The following LIMCH1 variants were observed in gnomAD, a reference collection of about 807,000 sequenced individuals.
The protein encoded by LIMCH1 is LIM and calponin homology domains 1, also known as LIM and calponin homology domains-containing protein 1.
LIMCH1 carries 113 observed loss-of-function variants against 176.5 expected under a neutral mutation model. That is an observed-to-expected ratio of 0.64 (90% CI 0.55 to 0.75). The LOEUF (loss-of-function observed/expected upper bound fraction) is 0.75. Among genes scored for constraint, LIMCH1 ranks in the 30% least tolerant of loss-of-function variants. LIMCH1 has a pLI of 0.00. For synonymous variants in LIMCH1, 619 were observed against 645.9 expected, an observed-to-expected ratio of 0.96 and a Z score of 0.63; for missense variants, 1,674 against 1,814.9, an observed-to-expected ratio of 0.92 and a Z score of 1.41.
chr4:41,694,555 C>T (rs567407445), intron 31 of LIMCH1, among the ~76,000 whole-genome samples: 1 of 152,250 alleles, frequency 6.6e-6, no homozygotes, highest in Admixed American at 6.5e-5. Flanking sequence ...GGTAACTTTT[C>T]CAGATAACAT....
chr4:41,490,272 CCTTT>C (rs1463140693), intron 1 of LIMCH1, among the ~76,000 whole-genome samples: 131 of 151,262 alleles, frequency 8.7e-4, no homozygotes, highest in African/African-American at 3.0e-3. Flanking sequence ...TTTCTTTCTC[CCTTT>C]CTTTTTTTTT....
At chr4:41,626,658 T>A in intron 7 of LIMCH1, 50 bp from the exon 8 acceptor site, 1 of 1,406,318 alleles carries the variant, frequency 7.1e-7, no homozygotes, top group Non-Finnish European at 9.6e-7. Flanking sequence ...GGAGATTTAA[T>A]TTTTTTTGTC....
At chr4:41,565,297 T>C (rs1165409542) in intron 1 of LIMCH1, among the ~76,000 whole-genome samples, 1 of 151,250 alleles carries the variant, frequency 6.6e-6, no homozygotes, top group East Asian at 1.9e-4. Context: ...GGGCTCTCTG[T>C]CATGGGTTGG....
intron 2 of LIMCH1, among the ~76,000 whole-genome samples, chr4:41,603,482 A>G (rs1048431512): frequency 2.0e-5 from 3 of 152,226 alleles, no homozygotes; most frequent in Admixed American, 1.3e-4. Flanking sequence ...ACCTGTGTTA[A>G]AAATACTTGC....
In LIMCH1 at chr4:41,615,713, A is replaced by G. The variant is rs536964014; in HGVS notation, c.205+2052A>G. On this transcript the variant is annotated intron_variant, in intron 5 of 31. Transcript: ENST00000503057. ...GATTAGGAAGATTGCTAGTCCTAATAAACACTTCCAAATTTGAAAAAACTT... is the reference window on the plus strand; with the variant it reads ...GATTAGGAAGATTGCTAGTCCTAATGAACACTTCCAAATTTGAAAAAACTT... Among the ~76,000 whole-genome samples the G allele has an allele frequency of 5.9e-5, 9 of 152,350 alleles. No homozygotes were observed. The South Asian group carries it at 8.3e-4, about 14-fold the overall frequency.
chr4:41,434,134 A>G (rs1463670382), intron 1 of LIMCH1, among the ~76,000 whole-genome samples: 2 of 152,216 alleles, frequency 1.3e-5, no homozygotes, highest in East Asian at 1.9e-4. Flanking sequence ...GTGTGATGGC[A>G]GAAGGAGCCA....
rs1161186660 is a variant in LIMCH1 at position 41,644,520 on chromosome 4, T to A, written c.2147T>A (p.Met716Lys). ...CTCAGGAGCACCAGCATGTTTGACA[T>A]GCGGTGTGAGGAGGAGGCCGCGGTG... ...DDAESTSMFD[M>K]RCEEEAAVQP... Residue 716 changes from methionine to lysine, a missense_variant, in exon 15 of 32, where the codon ATG (methionine) becomes AAG (lysine). Around this residue, in one of 3 missense-constraint regions of LIMCH1, gnomAD observed 1,015 missense variants for 1,102.5 expected, o/e 0.92. Coordinates refer to ENST00000503057, the MANE Select transcript of LIMCH1 (RefSeq NM_001330672.2). 19 of 1,582,092 alleles carry A rather than the reference T, an allele frequency of 1.2e-5. No homozygotes were observed. In the East Asian group the frequency reaches 4.4e-4, roughly 37 times the overall value.
chr4:41,541,018 G>T (rs577162317), intron 1 of LIMCH1, among the ~76,000 whole-genome samples: 13 of 152,296 alleles, frequency 8.5e-5, no homozygotes, highest in Non-Finnish European at 1.8e-4. Flanking sequence ...TGAGGAGTGA[G>T]GAAGTAGGGA....
chr4:41,484,820 G>A (rs1401601230), intron 1 of LIMCH1, among the ~76,000 whole-genome samples: 1 of 152,082 alleles, frequency 6.6e-6, no homozygotes, highest in South Asian at 2.1e-4. Flanking sequence ...TTATAATAGG[G>A]TTTGTCAACA....
At position 41,468,438 on chromosome 4, in the gene LIMCH1, T is replaced by G. The variant is rs987458877; in HGVS notation, c.97-26098T>G. On this transcript the variant is annotated intron_variant, in intron 1 of 26. Transcript: ENST00000313860. Reference sequence around the variant, plus strand: ...CCTTCTTTCCTTCTTTCCTTCCTTCTATCTTCCTTTGGTAAATTCATTTAG... The same window carrying G: ...CCTTCTTTCCTTCTTTCCTTCCTTCGATCTTCCTTTGGTAAATTCATTTAG... Among the ~76,000 whole-genome samples, 12 of 144,540 alleles carry G rather than the reference T, an allele frequency of 8.3e-5. No homozygotes were observed. The East Asian group carries it at 2.3e-3, about 28-fold the overall frequency. The allele number at this position is 144,540 out of a possible 152,430, so 94.8% of individuals were successfully genotyped here. A position where few individuals can be genotyped will look rare whatever the true frequency, so the allele number is the denominator to read the frequency against.
intron 1 of LIMCH1, among the ~76,000 whole-genome samples, chr4:41,361,757 G>T (rs1013261688): frequency 3.3e-5 from 5 of 152,204 alleles, no homozygotes; most frequent in Admixed American, 1.3e-4. Context: ...ATGCAGCTTG[G>T]TAGCCCCGAG....
chr4:41,584,713 CA>C (rs1296272194), intron 1 of LIMCH1, among the ~76,000 whole-genome samples: 13 of 152,114 alleles, frequency 8.5e-5, no homozygotes, highest in Non-Finnish European at 1.6e-4. Flanking sequence ...TTATACCTAA[CA>C]AAATTGACCA....
rs747573731 is a variant in LIMCH1, at chr4:41,619,275, A to G, written c.293A>G (p.His98Arg). 2 of 1,614,098 alleles carry G rather than the reference A, an allele frequency of 1.2e-6. No homozygotes were observed. Among genetic ancestry groups the G allele is most frequent in the Non-Finnish European group, 8.5e-7 (1 of 1,180,036 alleles). Residue 98 changes from histidine to arginine, a missense_variant, in exon 6 of 32, where the codon CAT (histidine) becomes CGT (arginine). Physicochemically the swap from His to Arg is conservative, Grantham distance 29. Around this residue, in one of 3 missense-constraint regions of LIMCH1, gnomAD observed 655 missense variants for 692.2 expected, o/e 0.95. Transcript: ENST00000503057. ...KDDMSARRTSHGEPKSAVPFN... is the reference protein window; with the variant it reads ...KDDMSARRTSRGEPKSAVPFN... Reference sequence around the variant, plus strand: ...GACATGTCTGCACGGCGGACTTCCCATGGTGAGCCGAAATCAGCAGTGCCT... The same window carrying G: ...GACATGTCTGCACGGCGGACTTCCCGTGGTGAGCCGAAATCAGCAGTGCCT...
intron 29 of LIMCH1, 125 bp from the exon 30 acceptor site, chr4:41,689,402 T>C (rs1056849755): frequency 1.6e-5 from 9 of 570,844 alleles, no homozygotes; most frequent in African/African-American, 1.5e-4. Flanking sequence ...GTCATTCTCA[T>C]TTCATTCATG....
chr4:41,506,740 A>G (rs182301345), intron 2 of LIMCH1, among the ~76,000 whole-genome samples: 54 of 152,304 alleles, frequency 3.5e-4, no homozygotes, highest in Admixed American at 2.5e-3. Flanking sequence ...ATAGAGAAAA[A>G]CAAGTAGTTT....
At chr4:41,543,721 C>T (rs184693096) in intron 1 of LIMCH1, among the ~76,000 whole-genome samples, 2 of 152,306 alleles carry the variant, frequency 1.3e-5, no homozygotes, top group Admixed American at 6.5e-5. Flanking sequence ...TGGGTCTTCA[C>T]ATCTTGGCCA....
At chr4:41,382,325 G>A (rs989124435) in intron 1 of LIMCH1, among the ~76,000 whole-genome samples, 22 of 152,028 alleles carry the variant, frequency 1.4e-4, no homozygotes, top group Admixed American at 1.3e-3. Context: ...TAGAAAGCTA[G>A]GGTAGGCTGT....
At chr4:41,643,899 C>T (rs1418010845) in intron 14 of LIMCH1, among the ~76,000 whole-genome samples, 1 of 152,088 alleles carries the variant, frequency 6.6e-6, no homozygotes, top group African/African-American at 2.4e-5. Flanking sequence ...ATCAGCCATC[C>T]ATAGTTGTCA....
intron 1 of LIMCH1, among the ~76,000 whole-genome samples, chr4:41,393,756 A>G (rs1385214647): frequency 6.6e-6 from 1 of 152,222 alleles, no homozygotes; most frequent in Admixed American, 6.5e-5. Context: ...CCCTCTTTTA[A>G]TCATCTAGAA....
Sources: allele counts gnomAD v4.1 joint callset (sites outside exome capture counted in the v4.1 genomes callset), GRCh38; gene constraint gnomAD v4.1.1; regional missense constraint gnomAD v4.1.1; transcripts MANE v1.5; gene names NCBI Gene and HGNC (gene_info 2026-07-23, HGNC 2026-07-21).